SNAP91: variants seen among roughly 807,000 people sequenced by gnomAD.
SNAP91 encodes the protein synaptosome associated protein 91, also known as clathrin coat assembly protein AP180.
Under a neutral mutation model 100.3 loss-of-function variants are expected in SNAP91, and 27 were observed. The observed-to-expected ratio is 0.27, with a 90% CI of 0.20 to 0.37. The LOEUF is 0.37. SNAP91 is among the 10% of genes least tolerant of loss of function. The pLI is 1.00. For synonymous variants in SNAP91, 404 were observed against 398.6 expected (o/e 1.01, Z -0.16); for missense variants, 986 against 1,123.7 (o/e 0.88, Z 1.75).
intron 13 of SNAP91, among the ~76,000 whole-genome samples, chr6:83,606,812 C>A (rs897748491): frequency 1.3e-5 from 2 of 152,130 alleles, no homozygotes; most frequent in African/African-American, 4.8e-5. Context: ...TTCATAAATA[C>A]AACTGGACTA....
intron 22 of SNAP91, among the ~76,000 whole-genome samples, chr6:83,586,263 T>C (rs186365429): frequency 3.3e-5 from 5 of 152,338 alleles, no homozygotes; most frequent in Admixed American, 2.6e-4. Context: ...AATGCCACAC[T>C]GGGCATGTTT....
At chr6:83,661,389 T>C in intron 5 of SNAP91, 113 bp downstream of exon 5, 1 of 592,108 alleles carries the variant, frequency 1.7e-6, no homozygotes, top group Non-Finnish European at 2.9e-6. Context: ...TTTAGGTTAT[T>C]GTAAACTGGG....
intron 8 of SNAP91, among the ~76,000 whole-genome samples, chr6:83,637,857 G>A (rs1394155843): frequency 6.6e-6 from 1 of 152,222 alleles, no homozygotes; most frequent in African/African-American, 2.4e-5. Flanking sequence ...CAGTGTGCTT[G>A]AGTCCCAGGG....
At chr6:83,616,913 TAGA>T (rs753683043) in intron 10 of SNAP91, 53 bp downstream of exon 10, 4 of 1,136,490 alleles carry the variant, frequency 3.5e-6, no homozygotes, top group African/African-American at 1.6e-5. Context: ...ATCTCATTCT[TAGA>T]AGAACGACTG....
chr6:83,587,292 T>C (rs1343391293), intron 22 of SNAP91, among the ~76,000 whole-genome samples: 1 of 152,182 alleles, frequency 6.6e-6, no homozygotes, highest in Non-Finnish European at 1.5e-5. Flanking sequence ...GTAAGAGTCC[T>C]TAGTCCAGTG....
chr6:83,618,957 G>A (rs1237784231), intron 9 of SNAP91, among the ~76,000 whole-genome samples: 1 of 151,668 alleles, frequency 6.6e-6, no homozygotes. Context: ...ACCAAAAATA[G>A]GTAATATTTT....
chr6:83,601,235 C>A (rs1347494296), intron 16 of SNAP91, 36 bp downstream of exon 16: 1 of 1,606,776 alleles, frequency 6.2e-7, no homozygotes, highest in Non-Finnish European at 8.5e-7. Flanking sequence ...TTTTAGCAAT[C>A]CTGAAAAAAT....
intron 2 of SNAP91, among the ~76,000 whole-genome samples, chr6:83,668,045 G>T (rs6915738): frequency 0.011 from 1,709 of 152,224 alleles, 23 homozygotes; most frequent in African/African-American, 0.036. Context: ...CTTCTCAAAA[G>T]AAGACATTTA....
At chr6:83,562,351 C>G (rs12662037) in intron 26 of SNAP91, among the ~76,000 whole-genome samples, 5,301 of 152,004 alleles carry the variant, frequency 0.035, 361 homozygotes, top group East Asian at 0.17. Context: ...AGGTTTTACC[C>G]AGGAATGCAA....
intron 26 of SNAP91, among the ~76,000 whole-genome samples, chr6:83,566,413 T>C (rs1796656779): frequency 6.6e-6 from 1 of 152,224 alleles, no homozygotes; most frequent in African/African-American, 2.4e-5. Flanking sequence ...AAAATTATAT[T>C]TCATATTAAT....
intron 7 of SNAP91, among the ~76,000 whole-genome samples, chr6:83,643,119 T>G (rs2128569562): frequency 6.6e-6 from 1 of 152,296 alleles, no homozygotes; most frequent in South Asian, 2.1e-4. Context: ...GTTGCAAAAA[T>G]TTTCTCCCAT....
intron 12 of SNAP91, among the ~76,000 whole-genome samples, chr6:83,608,579 C>T (rs937139285): frequency 1.3e-5 from 2 of 151,780 alleles, no homozygotes; most frequent in African/African-American, 4.8e-5. Flanking sequence ...GGAGATGAGA[C>T]ATAACAGCAG....
intron 7 of SNAP91, among the ~76,000 whole-genome samples, chr6:83,651,095 A>C (rs117311463): frequency 6.6e-6 from 1 of 152,114 alleles, no homozygotes; most frequent in Non-Finnish European, 1.5e-5. Context: ...TAAGATCTGT[A>C]GTGGTCTCCC....
intron 3 of SNAP91, 45 bp from the exon 4 acceptor site, chr6:83,662,467 C>A: frequency 2.5e-6 from 2 of 795,528 alleles, no homozygotes; most frequent in Non-Finnish European, 3.7e-6. Context: ...TAAAATCATA[C>A]TTTTAAACAA....
At chr6:83,609,583 A>C (rs557477055) in intron 12 of SNAP91, among the ~76,000 whole-genome samples, 62 of 152,316 alleles carry the variant, frequency 4.1e-4, no homozygotes, top group African/African-American at 1.5e-3. Context: ...AATTTGTCAA[A>C]GAGGAAAAAA....
chr6:83,635,463 G>C (rs906008585), intron 8 of SNAP91, among the ~76,000 whole-genome samples: 1 of 151,810 alleles, frequency 6.6e-6, no homozygotes, highest in African/African-American at 2.4e-5. Flanking sequence ...TTTTTTTACT[G>C]TTGTTGGTTT....
At chr6:83,618,199 A>G (rs1350730595) in intron 9 of SNAP91, among the ~76,000 whole-genome samples, 2 of 151,726 alleles carry the variant, frequency 1.3e-5, no homozygotes, top group African/African-American at 2.4e-5. Context: ...TGTGATTATT[A>G]TATTTGTAAT....
intron 26 of SNAP91, among the ~76,000 whole-genome samples, chr6:83,571,510 C>T (rs1562147517): frequency 6.6e-6 from 1 of 152,192 alleles, no homozygotes; most frequent in South Asian, 2.1e-4. Flanking sequence ...TTTGGACTTG[C>T]ATGGGGCCTA....
intron 7 of SNAP91, among the ~76,000 whole-genome samples, chr6:83,650,234 A>G (rs759313333): frequency 1.4e-4 from 22 of 152,224 alleles, no homozygotes; most frequent in Non-Finnish European, 2.9e-4. Context: ...CAATTGCAAT[A>G]GTTAATAAAA....
Sources: allele counts gnomAD v4.1 joint callset (sites outside exome capture counted in the v4.1 genomes callset), GRCh38; gene constraint gnomAD v4.1.1; transcripts MANE v1.5; gene names NCBI Gene and HGNC (gene_info 2026-07-23, HGNC 2026-07-21).